Variants in CDK7 observed in about 807,000 individuals in gnomAD.
The protein encoded by CDK7 is cyclin-dependent kinase 7.
In CDK7, 25 loss-of-function variants were observed where a neutral mutation model predicts 49.1. The ratio of observed to expected loss-of-function variants is 0.51; its 90% CI spans 0.37 to 0.71. CDK7 has a LOEUF of 0.71. Among genes scored for constraint, CDK7 ranks in the 30% least tolerant of loss-of-function variants. The probability of loss-of-function intolerance (pLI) is 0.00; values close to 1 mark genes in which losing one functional copy is unlikely to be tolerated. For missense variants in CDK7, 316 were observed against 411.7 expected, an observed-to-expected ratio of 0.77 and a Z score of 2.01; for synonymous variants, 107 against 140.0, an observed-to-expected ratio of 0.76 and a Z score of 1.67.
At chr5:69,273,297 A>T (rs992519548) in intron 10 of CDK7, among the ~76,000 whole-genome samples, 1 of 149,862 alleles carries the variant, frequency 6.7e-6, no homozygotes, top group African/African-American at 2.5e-5. Flanking sequence ...ATACATGTCT[A>T]TTTCACATAA....
At chr5:69,248,163 G>A (rs1749880098) in intron 2 of CDK7, among the ~76,000 whole-genome samples, 1 of 152,120 alleles carries the variant, frequency 6.6e-6, no homozygotes, top group Non-Finnish European at 1.5e-5. Context: ...GTTTGTCTGG[G>A]AAAGTCTTTA....
At chr5:69,249,309 G>C (rs1343320347) in intron 2 of CDK7, among the ~76,000 whole-genome samples, 2 of 152,098 alleles carry the variant, frequency 1.3e-5, no homozygotes, top group Admixed American at 6.6e-5. Context: ...GGGAGGCCGA[G>C]GTGGGTGGAT....
At chr5:69,261,518 G>A (rs1580319309) in intron 7 of CDK7, among the ~76,000 whole-genome samples, 2 of 144,106 alleles carry the variant, frequency 1.4e-5, no homozygotes, top group African/African-American at 2.5e-5. Flanking sequence ...GTGTGTGTGT[G>A]TGTGTGTATG....
At chr5:69,272,267 A>G (rs1751639585) in intron 9 of CDK7, among the ~76,000 whole-genome samples, 1 of 152,290 alleles carries the variant, frequency 6.6e-6, no homozygotes, top group Middle Eastern at 3.4e-3. Flanking sequence ...CTGCCAATAC[A>G]ACAGAGTCTT....
At chr5:69,250,496 C>A (rs1387220752) in intron 2 of CDK7, among the ~76,000 whole-genome samples, 1 of 152,186 alleles carries the variant, frequency 6.6e-6, no homozygotes, top group African/African-American at 2.4e-5. Flanking sequence ...CAGGGTACCA[C>A]CAGTGTTCAC....
chr5:69,266,539 A>G (rs1032011062), intron 8 of CDK7, among the ~76,000 whole-genome samples: 6 of 152,210 alleles, frequency 3.9e-5, no homozygotes, highest in African/African-American at 1.2e-4. Flanking sequence ...AACCAACGGG[A>G]AGACATGAGA....
At chr5:69,244,600 C>T (rs1749605621) in intron 2 of CDK7, among the ~76,000 whole-genome samples, 4 of 143,614 alleles carry the variant, frequency 2.8e-5, no homozygotes, top group Admixed American at 7.4e-5. Context: ...CACACCATTG[C>T]ACTCCAGCCT....
rs752097520 is a variant in CDK7, at chr5:69,254,615, C to T, written c.174C>T (p.Thr58=). ...RSEAKDGINR[T]ALREIKLLQE... Reference sequence around the variant, plus strand: ...CTTTTTATATAGGTATAAATAGAACCGCCTTAAGAGAGATAAAATTATTAC... The same window carrying T: ...CTTTTTATATAGGTATAAATAGAACTGCCTTAAGAGAGATAAAATTATTAC... The change falls in exon 4 of 12, where the codon ACC becomes ACT. Residue 58 remains threonine (T), a synonymous_variant. Transcript: ENST00000256443. 12 of 1,494,880 alleles carry T rather than the reference C, an allele frequency of 8.0e-6. No homozygotes were observed. The East Asian group carries it at 1.8e-4, about 22-fold the overall frequency. 92.6% of individuals were successfully genotyped at this position (1,494,880 alleles called of 1,614,324 possible).
chr5:69,250,767 C>G (rs1197295714), intron 2 of CDK7: 1 of 456,592 alleles, frequency 2.2e-6, no homozygotes, highest in African/African-American at 2.0e-5. Flanking sequence ...GTAGCCACTA[C>G]AGCTGTGAAT....
chr5:69,266,382 A>G (rs1751159136), intron 8 of CDK7, among the ~76,000 whole-genome samples: 1 of 152,074 alleles, frequency 6.6e-6, no homozygotes. Context: ...TGAGGTCAGG[A>G]GTTCGAGACC....
intron 3 of CDK7, 81 bp from the exon 4 acceptor site, chr5:69,254,521 C>A (rs1232861554): frequency 2.1e-3 from 1,014 of 478,052 alleles, no homozygotes; most frequent in African/African-American, 6.1e-3. Context: ...GACTCCATCT[C>A]AAAAAAAAAA....
At chr5:69,238,484 A>T (rs1467586231) in intron 2 of CDK7, among the ~76,000 whole-genome samples, 1 of 151,554 alleles carries the variant, frequency 6.6e-6, no homozygotes, top group Non-Finnish European at 1.5e-5. Flanking sequence ...ACAGGGTCTC[A>T]CTCTGTTGAC....
chr5:69,275,566 G>C (rs773989878), intron 10 of CDK7, among the ~76,000 whole-genome samples: 9 of 152,150 alleles, frequency 5.9e-5, no homozygotes, highest in Non-Finnish European at 1.3e-4. Flanking sequence ...AAAATCCAAA[G>C]CTTTTTGAAT....
chr5:69,274,769 C>G (rs1038528624), intron 10 of CDK7, among the ~76,000 whole-genome samples: 1 of 152,074 alleles, frequency 6.6e-6, no homozygotes, highest in African/African-American at 2.4e-5. Context: ...GTGCACACCA[C>G]CATGCCTGGC....
At position 69,234,940 on chromosome 5, in the gene CDK7, G is replaced by A. The variant is rs368043088; in HGVS notation, c.-36G>A. On this transcript the variant is annotated 5_prime_UTR_variant, in exon 1 of 12. Transcript: ENST00000256443. ...TAAATTCGTGTTGTCCTGGGAGCTC[G>A]CCCTTTTCGGCTGGAGTCGGGCTTT... The A allele has an allele frequency of 3.8e-6, 6 of 1,567,510 alleles. No homozygotes were observed. The Admixed American group carries it at 7.6e-5, about 20-fold the overall frequency.
intron 8 of CDK7, among the ~76,000 whole-genome samples, chr5:69,264,606 G>A (rs1751026757): frequency 6.6e-6 from 1 of 152,182 alleles, no homozygotes; most frequent in Admixed American, 6.6e-5. Flanking sequence ...CAAGGAAAAT[G>A]GAGGGTAGGA....
rs372082052 is a variant in CDK7 at position 69,271,952 on chromosome 5, A to G, written c.715-940A>G. Among the ~76,000 whole-genome samples, 311 of 150,808 alleles carry G rather than the reference A, an allele frequency of 2.1e-3. 15 individuals are homozygous for G. In the South Asian group the frequency reaches 0.061, roughly 30 times the overall value. ...TTTTGTTTTTTTTTTTCTTTGAGAC[A>G]GTCTCACTCTGTTCCCCAGGTTGGA... On this transcript the variant is annotated intron_variant, in intron 9 of 11. Coordinates refer to ENST00000256443, the MANE Select transcript of CDK7 (RefSeq NM_001799.4).
intron 8 of CDK7, among the ~76,000 whole-genome samples, chr5:69,264,296 A>C (rs1751008245): frequency 6.6e-6 from 1 of 152,212 alleles, no homozygotes; most frequent in Non-Finnish European, 1.5e-5. Flanking sequence ...CACTTGAACT[A>C]TTAAAAATAG....
At chr5:69,268,275 T>TG (rs759956425) in intron 8 of CDK7, among the ~76,000 whole-genome samples, 30 of 152,268 alleles carry the variant, frequency 2.0e-4, no homozygotes, top group Non-Finnish European at 4.0e-4. Context: ...AAATGCTTGT[T>TG]TATGTGTATC....
Sources: gnomAD v4.1 joint callset for allele counts (sites outside exome capture counted in the v4.1 genomes callset) on GRCh38, gnomAD v4.1.1 for gene constraint, MANE v1.5 for transcripts, NCBI Gene and HGNC (gene_info 2026-07-23, HGNC 2026-07-21) for gene names.